The following SLC30A3 variants were observed in gnomAD, a reference collection of about 807,000 sequenced individuals.
SLC30A3 encodes solute carrier family 30 member 3, also known as probable proton-coupled zinc antiporter SLC30A3.
A neutral mutation model predicts 35.6 loss-of-function variants in SLC30A3; 20 were observed. That is an observed-to-expected ratio of 0.56 (90% CI 0.39 to 0.82). SLC30A3 has a LOEUF of 0.82. SLC30A3 is among the 40% of genes least tolerant of loss of function. SLC30A3 has a pLI of 0.00. For synonymous variants in SLC30A3, 217 were observed against 224.7 expected (o/e 0.97, Z 0.31); for missense variants, 401 against 530.6 (o/e 0.76, Z 2.40).
upstream of SLC30A3, chr2:27,264,057 G>A (rs1677367682): frequency 7.8e-7 from 1 of 1,288,538 alleles, no homozygotes; most frequent in Non-Finnish European, 1.0e-6. The surrounding 1 kb of genome is among the most constrained non-coding windows in gnomAD (Gnocchi z 6.1). Context: ...AATGCTCAAT[G>A]TTCTCTCCCC....
rs1161851681 is a variant in SLC30A3 at position 27,255,954 on chromosome 2, T to C, written c.1018+432A>G. ...GAATCATAATGTAGATGCAATTTTA[T>C]ATTCAGCTTTTTTCTCAGCATTATA... On this transcript the variant is annotated intron_variant, in intron 7 of 7. Transcript: ENST00000233535. The surrounding 1 kb of genome is among the most constrained non-coding windows in gnomAD (Gnocchi z 5.2). 4.8e-6 allele frequency: 1 copy of C among 208,532 alleles called. No individual in the cohort carries two copies. Among genetic ancestry groups the C allele is most frequent in the Admixed American group, 5.2e-5 (1 of 19,212 alleles). The allele number at this position is 208,532 out of a possible 1,614,324, so 12.9% of individuals were successfully genotyped here. A position where few individuals can be genotyped will look rare whatever the true frequency, so the allele number is the denominator to read the frequency against.
rs774571006 is a variant in SLC30A3 at position 27,257,382 on chromosome 2, G to A, written c.579-30C>T. ...GGGGTAAGCAGAGCACCTCAGCCTA[G>A]GGCCCTGCTCCTGGCCTCCTATACC... On this transcript the variant is annotated intron_variant, in intron 4 of 7. Transcript: ENST00000233535. This position sits in a 1 kb window ranked among gnomAD's most constrained non-coding sequence, Gnocchi z 4.7. 1.2e-5 allele frequency: 19 copies of A among 1,577,826 alleles called. No homozygotes were observed. In the South Asian group the frequency reaches 2.0e-4, roughly 16 times the overall value.
At chr2:27,275,341 C>T (rs572226697) in exon 1 of SLC30A3, 2 of 629,804 alleles carry the variant, frequency 3.2e-6, no homozygotes, top group Admixed American at 2.7e-5. Context: ...GCCTGCTAAG[C>T]CCTCCGCTCT....
In SLC30A3 at chr2:27,257,709, GC is replaced by G; in HGVS notation, c.578+195del. 1.6e-6 allele frequency: 1 copy of G among 628,104 alleles called. No individual in the cohort carries two copies. The highest frequency in any genetic ancestry group is 1.8e-5 in the African/African-American group (1 of 54,396). 38.9% of individuals were successfully genotyped at this position (628,104 alleles called of 1,614,324 possible). The stretch of plus-strand genomic sequence containing the variant: ...CATCAGAGTGGCTGGCCCATGGCAG[GC>G]CCTTGACAGAGATCTGCTGACTGAA... On this transcript the variant is annotated intron_variant, in intron 4 of 7. Coordinates refer to ENST00000233535, the MANE Select transcript of SLC30A3 (RefSeq NM_003459.5). This position sits in a 1 kb window ranked among gnomAD's most constrained non-coding sequence, Gnocchi z 4.7.
intron 7 of SLC30A3, chr2:27,256,001 G>A (rs1483148852): frequency 1.2e-5 from 3 of 259,114 alleles, no homozygotes; most frequent in Non-Finnish European, 2.2e-5. Flanking sequence ...TTTCATAGTT[G>A]CTGTACAGTC....
Position 27,257,187 on chromosome 2 carries a change from C to T in SLC30A3, c.744G>A (p.Gly248=). Reference sequence around the variant, plus strand: ...AGATGAGGATGGAGGCAGCCAGTACCCCAAAGCTCTGCAGGAGGTCCCCCA... The same window carrying T: ...AGATGAGGATGGAGGCAGCCAGTACTCCAAAGCTCTGCAGGAGGTCCCCCA... The part of the protein sequence containing the change: ...HVLGDLLQSF[G]VLAASILIYF... Residue 248 remains glycine (G), a synonymous_variant, in exon 5 of 8, where the codon GGG becomes GGA. Coordinates refer to ENST00000233535, the MANE Select transcript of SLC30A3 (RefSeq NM_003459.5). This position sits in a 1 kb window ranked among gnomAD's most constrained non-coding sequence, Gnocchi z 4.7. 1 of 1,613,968 alleles carries T rather than the reference C, an allele frequency of 6.2e-7. No homozygotes were observed. Among genetic ancestry groups the T allele is most frequent in the African/African-American group, 1.3e-5 (1 of 74,990 alleles).
upstream of SLC30A3, chr2:27,264,079 G>A (rs1295143462): frequency 7.8e-7 from 1 of 1,287,750 alleles, no homozygotes; most frequent in Admixed American, 2.3e-5. This position sits in a 1 kb window ranked among gnomAD's most constrained non-coding sequence, Gnocchi z 6.1. Context: ...CGCACCTGCC[G>A]CCACTGTAGA....
Position 27,258,509 on chromosome 2 carries a change from A to G in SLC30A3, c.278-202T>C, listed in dbSNP as rs1323815634. 16 of 665,964 alleles carry G rather than the reference A, an allele frequency of 2.4e-5. No individual in the cohort carries two copies. The South Asian group carries it at 3.0e-4, about 12-fold the overall frequency. The allele number at this position is 665,964 out of a possible 1,614,324, so 41.3% of individuals were successfully genotyped here. On this transcript the variant is annotated intron_variant, in intron 2 of 7. Transcript: ENST00000233535. The surrounding 1 kb of genome is among the most constrained non-coding windows in gnomAD (Gnocchi z 4.0). Reference sequence around the variant, plus strand: ...TTATTTTCTACAATGATTTATTTTAATAACAAGAAAATAGGGTTTTTAAAA... The same window carrying G: ...TTATTTTCTACAATGATTTATTTTAGTAACAAGAAAATAGGGTTTTTAAAA...
In SLC30A3 at chr2:27,275,187, C is replaced by T. The variant is rs764199432; in HGVS notation, c.-169G>A. 3.1e-6 allele frequency: 4 copies of T among 1,304,148 alleles called. No individual in the cohort carries two copies. In the South Asian group the frequency reaches 4.9e-5, roughly 16 times the overall value. The allele number at this position is 1,304,148 out of a possible 1,614,324, so 80.8% of individuals were successfully genotyped here. Reference sequence around the variant, plus strand: ...ATGCAGCAGCCATACCTCTCATCCGCCACGGTCAGCAAACCCATTGTGTTT... The same window carrying T: ...ATGCAGCAGCCATACCTCTCATCCGTCACGGTCAGCAAACCCATTGTGTTT... On this transcript the variant is annotated 5_prime_UTR_variant, in exon 1 of 6. Coordinates refer to the SLC30A3 transcript ENST00000424577.
Position 27,257,717 on chromosome 2 carries a change from C to T in SLC30A3, c.578+188G>A. 1 of 641,000 alleles carries T rather than the reference C, an allele frequency of 1.6e-6. No homozygotes were observed. The highest frequency in any genetic ancestry group is 2.7e-6 in the Non-Finnish European group (1 of 374,014). The allele number at this position is 641,000 out of a possible 1,614,324, so 39.7% of individuals were successfully genotyped here. A position where few individuals can be genotyped will look rare whatever the true frequency, so the allele number is the denominator to read the frequency against. On this transcript the variant is annotated intron_variant, in intron 4 of 7. Transcript: ENST00000233535. This position sits in a 1 kb window ranked among gnomAD's most constrained non-coding sequence, Gnocchi z 4.7. ...TGGCTGGCCCATGGCAGGCCCTTGACAGAGATCTGCTGACTGAATTTTAGG... is the reference window on the plus strand; with the variant it reads ...TGGCTGGCCCATGGCAGGCCCTTGATAGAGATCTGCTGACTGAATTTTAGG...
Position 27,256,391 on chromosome 2 carries a change from G to A in SLC30A3, c.1013C>T (p.Ala338Val), listed in dbSNP as rs201832739. ...LTYHVASAHL[A>V]IDSTADPEAV... ...CTGGGGCCAGTGTGACTCACCGATG[G>A]CCAGGTGTGCAGAGGCAACATGGTA... Residue 338 changes from alanine (A) to valine (V), a missense_variant, in exon 7 of 8, where the codon GCC (alanine) becomes GTC (valine). Physicochemically the swap from Ala to Val is moderately conservative, Grantham distance 64 (BLOSUM62 0). This residue lies in a region of SLC30A3 where 296 missense variants were observed against 392.6 expected (regional missense o/e 0.75). Transcript: ENST00000233535. 4.4e-5 allele frequency: 71 copies of A among 1,614,122 alleles called. No homozygotes were observed. In the Admixed American group the frequency reaches 7.8e-4, roughly 18 times the overall value.
upstream of SLC30A3, among the ~76,000 whole-genome samples, chr2:27,264,859 G>A (rs1380067481): frequency 2.0e-5 from 3 of 152,230 alleles, no homozygotes; most frequent in Non-Finnish European, 4.4e-5. This position sits in a 1 kb window ranked among gnomAD's most constrained non-coding sequence, Gnocchi z 6.1. Flanking sequence ...TGGAACCCAA[G>A]TCCCTGCTTA....
In SLC30A3 at chr2:27,256,732, G is replaced by A. The variant is rs890194599; in HGVS notation, c.883+56C>T. 1.5e-5 allele frequency: 21 copies of A among 1,382,072 alleles called. No homozygotes were observed. In the African/African-American group the frequency reaches 3.0e-4, roughly 20 times the overall value. 85.6% of individuals were successfully genotyped at this position (1,382,072 alleles called of 1,614,324 possible). A position where few individuals can be genotyped will look rare whatever the true frequency, so the allele number is the denominator to read the frequency against. ...TCAAAGAAAAAAGTGATGGCCCACT[G>A]CGAGAGTAAAGTCAGAGAGGGCCAC... On this transcript the variant is annotated intron_variant, in intron 6 of 7. Coordinates refer to ENST00000233535, the MANE Select transcript of SLC30A3 (RefSeq NM_003459.5).
rs955016664 is a variant in SLC30A3, at chr2:27,262,599, C to T, written c.95+213G>A. On this transcript the variant is annotated intron_variant, in intron 1 of 7. Coordinates refer to ENST00000233535, the MANE Select transcript of SLC30A3 (RefSeq NM_003459.5). The surrounding 1 kb of genome is among the most constrained non-coding windows in gnomAD (Gnocchi z 7.5). ...GGAGGGGAGTGAGAGGCCGCTTCACCCGAGGAAGTCAGGCGGCCGGGAGGA... is the reference window on the plus strand; with the variant it reads ...GGAGGGGAGTGAGAGGCCGCTTCACTCGAGGAAGTCAGGCGGCCGGGAGGA... Among the ~76,000 whole-genome samples, 1 of 152,108 alleles carries T rather than the reference C, an allele frequency of 6.6e-6. No homozygotes were observed. Among genetic ancestry groups the T allele is most frequent in the Non-Finnish European group, 1.5e-5 (1 of 67,988 alleles).
intron 1 of SLC30A3, among the ~76,000 whole-genome samples, chr2:27,260,679 C>T (rs531221181): frequency 6.6e-6 from 1 of 152,176 alleles, no homozygotes; most frequent in Admixed American, 6.5e-5. Flanking sequence ...TGTCTGGGGC[C>T]TTCTGGCTAA....
Position 27,262,966 on chromosome 2 carries a change from G to T in SLC30A3, c.-60C>A. On this transcript the variant is annotated 5_prime_UTR_variant, in exon 1 of 8. Transcript: ENST00000233535. This position sits in a 1 kb window ranked among gnomAD's most constrained non-coding sequence, Gnocchi z 7.5. ...GGAAGAGAGAGGCCGGGCCGGCCCC[G>T]CGCCAAGTCCGAGCAGCCCGCCGAC... The T allele has an allele frequency of 6.9e-7, 1 of 1,450,378 alleles. No individual in the cohort carries two copies. The highest frequency in any genetic ancestry group is 9.0e-7 in the Non-Finnish European group (1 of 1,110,650). The allele number at this position is 1,450,378 out of a possible 1,614,324, so 89.8% of individuals were successfully genotyped here.
chr2:27,273,067 T>C (rs1320978959), intron 1 of SLC30A3, among the ~76,000 whole-genome samples: 1 of 147,240 alleles, frequency 6.8e-6, no homozygotes, highest in Non-Finnish European at 1.5e-5. Context: ...TATATATATA[T>C]GGATAGATAT....
At chr2:27,275,003 C>T (rs1361648745) in intron 1 of SLC30A3, among the ~76,000 whole-genome samples, 2 of 152,168 alleles carry the variant, frequency 1.3e-5, no homozygotes, top group Non-Finnish European at 1.5e-5. Context: ...GAAGTGGGAA[C>T]AACTGGGAGA....
At position 27,257,307 on chromosome 2, in the gene SLC30A3, C is replaced by G; in HGVS notation, c.624G>C (p.Gly208=). ...LHQAGPPHSH[G]SRGAEYAPLE... ...GCGGTGCATACTCTGCTCCCCTAGA[C>G]CCGTGGCTGTGGGGGGGCCCAGCCT... is the stretch of plus-strand genomic sequence containing the variant. The change falls in exon 5 of 8, where the codon GGG becomes GGC. Residue 208 remains glycine (G), a synonymous_variant. Transcript: ENST00000233535. The surrounding 1 kb of genome is among the most constrained non-coding windows in gnomAD (Gnocchi z 4.7). 6.2e-7 allele frequency: 1 copy of G among 1,613,824 alleles called. No individual in the cohort carries two copies. Among genetic ancestry groups the G allele is most frequent in the Non-Finnish European group, 8.5e-7 (1 of 1,179,870 alleles).
Sources: allele counts gnomAD v4.1 joint callset (sites outside exome capture counted in the v4.1 genomes callset), GRCh38; gene constraint gnomAD v4.1.1; regional missense constraint gnomAD v4.1.1; non-coding constraint Gnocchi (gnomAD v3.1); transcripts MANE v1.5; gene names NCBI Gene and HGNC (gene_info 2026-07-23, HGNC 2026-07-21).